MAML2: variants seen among roughly 807,000 people sequenced by gnomAD.
The protein encoded by MAML2 is mastermind like transcriptional coactivator 2.
A neutral mutation model predicts 96.1 loss-of-function variants in MAML2; 22 were observed. That is an observed-to-expected ratio of 0.23 (90% CI 0.16 to 0.33). The LOEUF is 0.33. Among genes scored for constraint, MAML2 ranks in the 10% least tolerant of loss-of-function variants. The probability of loss-of-function intolerance (pLI) is 1.00; values close to 1 mark genes in which losing one functional copy is unlikely to be tolerated. For synonymous variants in MAML2, 561 were observed against 521.3 expected (o/e 1.08, Z -1.04); for missense variants, 1,367 against 1,392.4 (o/e 0.98, Z 0.29).
chr11:96,304,899 G>C (rs1487380459), intron 1 of MAML2, among the ~76,000 whole-genome samples: 4 of 152,166 alleles, frequency 2.6e-5, no homozygotes, highest in Non-Finnish European at 5.9e-5. Flanking sequence ...AGAAGCTCCT[G>C]ACTCAACCAC....
chr11:96,243,459 C>T (rs1340861149), intron 1 of MAML2, among the ~76,000 whole-genome samples: 2 of 152,196 alleles, frequency 1.3e-5, no homozygotes, highest in African/African-American at 4.8e-5. Flanking sequence ...TCAAAACAAT[C>T]TGTGCGTGTC....
At chr11:96,160,190 C>T (rs1454257457) in intron 1 of MAML2, among the ~76,000 whole-genome samples, 2 of 152,182 alleles carry the variant, frequency 1.3e-5, no homozygotes, top group African/African-American at 4.8e-5. Context: ...TTTAGATGAT[C>T]TCACAGAGTT....
chr11:96,008,863 A>G (rs1858227204), intron 2 of MAML2, among the ~76,000 whole-genome samples: 1 of 152,200 alleles, frequency 6.6e-6, no homozygotes, highest in South Asian at 2.1e-4. Context: ...GATTTCCTTG[A>G]TAGATTTTTG....
intron 1 of MAML2, among the ~76,000 whole-genome samples, chr11:96,303,109 C>A (rs1863412328): frequency 6.6e-6 from 1 of 152,152 alleles, no homozygotes; most frequent in African/African-American, 2.4e-5. Flanking sequence ...CATTCACGGG[C>A]TCATTTGTAT....
chr11:96,240,025 T>A (rs1224143726), intron 1 of MAML2, among the ~76,000 whole-genome samples: 1 of 152,206 alleles, frequency 6.6e-6, no homozygotes, highest in African/African-American at 2.4e-5. Flanking sequence ...TCAGTTACAG[T>A]CTATGAGAAT....
chr11:96,178,611 A>C (rs966150355), intron 1 of MAML2, among the ~76,000 whole-genome samples: 2 of 152,158 alleles, frequency 1.3e-5, no homozygotes, highest in African/African-American at 2.4e-5. Flanking sequence ...TAAAACTACC[A>C]ACACCACATG....
At chr11:96,009,285 G>T (rs1238366443) in intron 2 of MAML2, among the ~76,000 whole-genome samples, 1 of 152,066 alleles carries the variant, frequency 6.6e-6, no homozygotes, top group Non-Finnish European at 1.5e-5. Flanking sequence ...ATTTTCTCAC[G>T]TATTTTCTTT....
chr11:96,106,766 G>A (rs938521803), intron 1 of MAML2, among the ~76,000 whole-genome samples: 2 of 152,246 alleles, frequency 1.3e-5, no homozygotes, highest in African/African-American at 4.8e-5. Flanking sequence ...CTTGTAAATT[G>A]CTTTTAATCC....
At chr11:95,990,849 G>C (rs1857897667) in intron 3 of MAML2, among the ~76,000 whole-genome samples, 2 of 152,092 alleles carry the variant, frequency 1.3e-5, no homozygotes, top group African/African-American at 4.8e-5. Flanking sequence ...ATGAAACCAG[G>C]GCTGAGCAGA....
At chr11:96,112,053 C>T (rs550585208) in intron 1 of MAML2, among the ~76,000 whole-genome samples, 1 of 152,070 alleles carries the variant, frequency 6.6e-6, no homozygotes, top group South Asian at 2.1e-4. Context: ...CCTTGTGCCA[C>T]GTGGAAGGCC....
chr11:96,089,414 G>C (rs555585126), intron 2 of MAML2, among the ~76,000 whole-genome samples: 3 of 152,280 alleles, frequency 2.0e-5, no homozygotes, highest in East Asian at 1.9e-4. Context: ...ATGCAGCCTT[G>C]TCACATCATA....
chr11:96,209,683 C>G (rs1416112192), intron 1 of MAML2, among the ~76,000 whole-genome samples: 2 of 152,126 alleles, frequency 1.3e-5, no homozygotes, highest in Non-Finnish European at 2.9e-5. Flanking sequence ...GGCAGATATT[C>G]TGAAGATAAT....
chr11:96,271,199 T>A (rs1862911647), intron 1 of MAML2, among the ~76,000 whole-genome samples: 1 of 152,222 alleles, frequency 6.6e-6, no homozygotes, highest in East Asian at 1.9e-4. Flanking sequence ...AACCTATTTG[T>A]GGGACTTCAT....
chr11:96,290,857 G>C (rs2509000), intron 1 of MAML2, among the ~76,000 whole-genome samples: 4 of 151,874 alleles, frequency 2.6e-5, no homozygotes, highest in Middle Eastern at 3.2e-3. Flanking sequence ...AGGTCACTCT[G>C]TATATAATGC....
At chr11:95,992,473 C>A (rs561700696) in intron 2 of MAML2, among the ~76,000 whole-genome samples, 3 of 152,274 alleles carry the variant, frequency 2.0e-5, no homozygotes, top group Non-Finnish European at 4.4e-5. Flanking sequence ...GATCAGGACT[C>A]TGCAAGACAG....
intron 1 of MAML2, among the ~76,000 whole-genome samples, chr11:96,189,821 A>T (rs1425403787): frequency 6.6e-6 from 1 of 152,196 alleles, no homozygotes; most frequent in Non-Finnish European, 1.5e-5. Context: ...AGCTTTAAAA[A>T]CTGGAACTGG....
chr11:96,032,444 G>A lies in MAML2; in HGVS notation c.2140-40721C>T, dbSNP rs374963159. Among the ~76,000 whole-genome samples the A allele has an allele frequency of 5.5e-4, 84 of 151,968 alleles. 1 individual carries two copies. The East Asian group carries it at 7.0e-3, about 13-fold the overall frequency. Reference sequence around the variant, plus strand: ...CTCTACAAAAATACAAAAATTAGCCGGGCGTGATGGCAGGTGCCGGCAATC... The same window carrying A: ...CTCTACAAAAATACAAAAATTAGCCAGGCGTGATGGCAGGTGCCGGCAATC... On this transcript the variant is annotated intron_variant, in intron 2 of 4. Coordinates refer to ENST00000524717, the MANE Select transcript of MAML2 (RefSeq NM_032427.4).
chr11:96,152,993 T>C (rs1860948035), intron 1 of MAML2, among the ~76,000 whole-genome samples: 1 of 152,180 alleles, frequency 6.6e-6, no homozygotes, highest in East Asian at 1.9e-4. Context: ...ATCACATTTC[T>C]ACAGCCAGAA....
intron 1 of MAML2, among the ~76,000 whole-genome samples, chr11:96,150,042 C>G (rs992696858): frequency 1.3e-5 from 2 of 152,264 alleles, no homozygotes; most frequent in African/African-American, 4.8e-5. Flanking sequence ...GATATCTTCG[C>G]CTGAATATTC....
Sources: gnomAD v4.1 joint callset for allele counts (sites outside exome capture counted in the v4.1 genomes callset) on GRCh38, gnomAD v4.1.1 for gene constraint, MANE v1.5 for transcripts, NCBI Gene and HGNC (gene_info 2026-07-23, HGNC 2026-07-21) for gene names.